Variants in ESR1 observed in about 807,000 individuals in gnomAD.
ESR1 encodes estrogen receptor.
A neutral mutation model predicts 52.7 loss-of-function variants in ESR1; 12 were observed. The observed-to-expected ratio is 0.23, with a 90% CI of 0.15 to 0.37. The LOEUF (loss-of-function observed/expected upper bound fraction) is 0.37. Among genes scored for constraint, ESR1 ranks in the 10% least tolerant of loss-of-function variants. The pLI is 1.00. For missense variants in ESR1, 584 were observed against 779.7 expected (o/e 0.75, Z 2.99); for synonymous variants, 305 against 316.8 (o/e 0.96, Z 0.39).
chr6:151,871,812 T>A (rs1365121248), intron 2 of ESR1, among the ~76,000 whole-genome samples: 2 of 152,220 alleles, frequency 1.3e-5, no homozygotes, highest in African/African-American at 2.4e-5. Context: ...AGGTACGTCA[T>A]GTAAGTGCAT....
chr6:151,870,344 G>A (rs1169348895), intron 2 of ESR1, among the ~76,000 whole-genome samples: 1 of 152,028 alleles, frequency 6.6e-6, no homozygotes, highest in Non-Finnish European at 1.5e-5. Flanking sequence ...CATGGGTTCT[G>A]GAAATAGTTT....
At chr6:152,035,978 T>C (rs1212628041) in intron 5 of ESR1, among the ~76,000 whole-genome samples, 1 of 152,134 alleles carries the variant, frequency 6.6e-6, no homozygotes, top group Non-Finnish European at 1.5e-5. Flanking sequence ...AAAATACCTA[T>C]CTCAGGGTCG....
At chr6:151,665,482 A>C (rs1262025829) in intron 1 of ESR1, among the ~76,000 whole-genome samples, 2 of 152,204 alleles carry the variant, frequency 1.3e-5, no homozygotes, top group Non-Finnish European at 2.9e-5. Flanking sequence ...CCAAAGCTGG[A>C]AGCCACCAGA....
chr6:151,925,322 T>A (rs2032522075), intron 3 of ESR1, among the ~76,000 whole-genome samples: 1 of 152,108 alleles, frequency 6.6e-6, no homozygotes, highest in Admixed American at 6.6e-5. Flanking sequence ...AAGTGGGGTT[T>A]TGGGCTGGGC....
chr6:151,867,898 A>G (rs1036278745), intron 2 of ESR1, among the ~76,000 whole-genome samples: 1 of 152,172 alleles, frequency 6.6e-6, no homozygotes, highest in African/African-American at 2.4e-5. Context: ...TTTGACATTG[A>G]TTCAGAAGCA....
At chr6:151,899,519 C>T (rs1300084138) in intron 3 of ESR1, among the ~76,000 whole-genome samples, 37 of 141,010 alleles carry the variant, frequency 2.6e-4, no homozygotes, top group Non-Finnish European at 4.5e-4. Flanking sequence ...GCTGGCCGGG[C>T]GGGGGGCTGA....
chr6:151,843,918 T>C (rs1451386729), intron 2 of ESR1, among the ~76,000 whole-genome samples: 1 of 151,914 alleles, frequency 6.6e-6, no homozygotes, highest in East Asian at 1.9e-4. Flanking sequence ...GACTTTTTTT[T>C]TTTTTTTAAA....
rs541197577 is a variant in ESR1, at chr6:151,919,004, A to G, written c.761-25169A>G. ...AAGGACTATTTTGAAGACAACTATA[A>G]TAAAATGTCAGTAACTGATAGTAGC... On this transcript the variant is annotated intron_variant, in intron 3 of 7. Transcript: ENST00000206249. 2.8e-4 allele frequency among the ~76,000 whole-genome samples: 42 copies of G among 152,336 alleles called. No homozygotes were observed. The South Asian group carries it at 8.5e-3, about 31-fold the overall frequency.
intron 2 of ESR1, among the ~76,000 whole-genome samples, chr6:151,852,668 A>G (rs759122574): frequency 7.8e-4 from 88 of 113,282 alleles, no homozygotes; most frequent in Non-Finnish European, 1.3e-3. Flanking sequence ...CAGATTATTT[A>G]TACTGTGGCA....
Position 151,840,636 on chromosome 6 carries a change from A to C in ESR1, c.453-1961A>C, listed in dbSNP as rs72566464. Among the ~76,000 whole-genome samples, 549 of 152,266 alleles carry C rather than the reference A, an allele frequency of 3.6e-3. 21 individuals are homozygous for C. The East Asian group carries it at 0.09, about 25-fold the overall frequency. On this transcript the variant is annotated intron_variant, in intron 1 of 7. Coordinates refer to ENST00000206249, the MANE Select transcript of ESR1 (RefSeq NM_000125.4). ...GCTAAAAGGAAAGACAGGGCTTGTG[A>C]AGGGGAGCGCCAGTGAAAGTCAGTG...
At chr6:152,106,714 G>A (rs149300552), downstream of ESR1, among the ~76,000 whole-genome samples, 3,066 of 152,172 alleles carry the variant, frequency 0.02, 62 homozygotes, top group African/African-American at 0.047. Context: ...TTAGCCTCCC[G>A]AGTAGCTGGA....
intron 3 of ESR1, among the ~76,000 whole-genome samples, chr6:151,941,580 G>T (rs763256693): frequency 6.6e-6 from 1 of 151,062 alleles, no homozygotes. Context: ...AATAGAAGAT[G>T]GTAGAGTCAT....
chr6:151,880,570 A>G (rs1446590586), intron 2 of ESR1, 85 bp from the exon 3 acceptor site: 1 of 846,498 alleles, frequency 1.2e-6, no homozygotes, highest in African/African-American at 1.7e-5. Flanking sequence ...GTGATAGGAA[A>G]ACAGCCTCCA....
At chr6:151,941,398 G>C (rs535194535) in intron 3 of ESR1, among the ~76,000 whole-genome samples, 52 of 152,218 alleles carry the variant, frequency 3.4e-4, no homozygotes, top group African/African-American at 1.2e-3. Context: ...TCTTACCCCA[G>C]TCCTCACACG....
Position 151,782,059 on chromosome 6 carries a change from T to C in ESR1, c.-70-25784T>C, listed in dbSNP as rs144945095. On this transcript the variant is annotated intron_variant, in intron 2 of 2. Coordinates refer to the ESR1 transcript ENST00000404742. ...ATGTATGTTCTAGACAGGTCAATCATGGAATTAGAAAAAGTTGGGATCTTG... is the reference window on the plus strand; with the variant it reads ...ATGTATGTTCTAGACAGGTCAATCACGGAATTAGAAAAAGTTGGGATCTTG... Among the ~76,000 whole-genome samples, 122 of 152,312 alleles carry C rather than the reference T, an allele frequency of 8.0e-4. 1 individual carries two copies. The East Asian group carries it at 0.014, about 18-fold the overall frequency.
upstream of ESR1, among the ~76,000 whole-genome samples, chr6:151,685,684 A>G (rs1234375607): frequency 6.6e-6 from 1 of 152,204 alleles, no homozygotes; most frequent in Non-Finnish European, 1.5e-5. Flanking sequence ...AGCAGTATCA[A>G]TAATGTTTTT....
chr6:151,977,300 C>T (rs2982683), intron 4 of ESR1, among the ~76,000 whole-genome samples: 35,154 of 151,858 alleles, frequency 0.23, 5,032 homozygotes, highest in Middle Eastern at 0.35. Context: ...GAACTCTGTG[C>T]AGAAAGGAAT....
chr6:151,747,148 CTTCCTTTTAGTCAATTAGTAG>C (rs1783543437), intron 2 of ESR1, among the ~76,000 whole-genome samples: 1 of 152,114 alleles, frequency 6.6e-6, no homozygotes, highest in South Asian at 2.1e-4. Context: ...TAAAATCCCC[CTTCCTTTTAGTCAATTAGTAG>C]TTCATAAATT....
At position 152,094,593 on chromosome 6, in the gene ESR1, A is replaced by G; in HGVS notation, c.1553+25A>G. The stretch of plus-strand genomic sequence containing the variant: ...GGTGAGGCATCTGTGGGCTTCCTAC[A>G]GGAGAGACATAAAGAAAACATGCCC... On this transcript the variant is annotated intron_variant, in intron 7 of 7. Transcript: ENST00000206249. This position sits in a 1 kb window ranked among gnomAD's most constrained non-coding sequence, Gnocchi z 4.6. 2 of 1,610,192 alleles carry G rather than the reference A, an allele frequency of 1.2e-6. No homozygotes were observed. Among genetic ancestry groups the G allele is most frequent in the South Asian group, 1.1e-5 (1 of 90,996 alleles).
Sources: gnomAD v4.1 joint callset for allele counts (sites outside exome capture counted in the v4.1 genomes callset) on GRCh38, gnomAD v4.1.1 for gene constraint, Gnocchi (gnomAD v3.1) non-coding constraint, MANE v1.5 for transcripts, NCBI Gene and HGNC (gene_info 2026-07-23, HGNC 2026-07-21) for gene names.